The following ARHGAP6 variants were observed in gnomAD, a reference collection of about 807,000 sequenced individuals.
ARHGAP6 encodes rho GTPase-activating protein 6.
Under a neutral mutation model 55.7 loss-of-function variants are expected in ARHGAP6, and 16 were observed. The observed-to-expected ratio is 0.29, with a 90% confidence interval of 0.19 to 0.44. The LOEUF is 0.44. Ranked by LOEUF, ARHGAP6 falls within the 20% of genes least tolerant of loss-of-function variation. The probability of loss-of-function intolerance (pLI) is 1.00; values close to 1 mark genes in which losing one functional copy is unlikely to be tolerated. For missense variants in ARHGAP6, 698 were observed against 808.9 expected (o/e 0.86, Z 1.66); for synonymous variants, 382 against 360.9 (o/e 1.06, Z -0.66).
In ARHGAP6 at chrX:11,174,623, TTTTCTTTCTTTCTTTCTTTCTTTC is replaced by T. The variant is rs55966871; in HGVS notation, c.1629+3453_1629+3476del. On this transcript the variant is annotated intron_variant, in intron 8 of 12. Transcript: ENST00000337414. ...TTCTTTCTTTCTTTCTTTCTCTTTC[TTTTCTTTCTTTCTTTCTTTCTTTC>T]TTTCTTTCTTTCTTTCTTTCTTTCT... is the stretch of plus-strand genomic sequence containing the variant. 4.3e-3 allele frequency among the ~76,000 whole-genome samples: 201 copies of T among 46,704 alleles called. 2 individuals are homozygous for T. Among genetic ancestry groups the T allele is most frequent in the African/African-American group, 0.013 (154 of 11,753 alleles). The allele number at this position is 46,704 out of a possible 115,157, so 40.6% of individuals were successfully genotyped here.
intron 1 of ARHGAP6, among the ~76,000 whole-genome samples, chrX:11,564,745 T>C (rs1362162347): frequency 8.9e-6 from 1 of 111,860 alleles, no homozygotes; most frequent in Non-Finnish European, 1.9e-5. Flanking sequence ...GTCTTGTATC[T>C]AGGCCAAAAG....
intron 1 of ARHGAP6, among the ~76,000 whole-genome samples, chrX:11,282,512 A>G (rs2047869810): frequency 8.9e-6 from 1 of 112,420 alleles, no homozygotes; most frequent in East Asian, 2.8e-4. Context: ...AAAAACATCC[A>G]CTGATTCAGG....
intron 1 of ARHGAP6, among the ~76,000 whole-genome samples, chrX:11,482,926 T>TG (rs1023027152): frequency 1.4e-4 from 16 of 111,620 alleles, no homozygotes; most frequent in East Asian, 2.8e-4. Context: ...AGTTATCCTC[T>TG]GGGGGGTGAA....
chrX:11,521,390 C>A (rs980940912), intron 1 of ARHGAP6, among the ~76,000 whole-genome samples: 2 of 112,179 alleles, frequency 1.8e-5, no homozygotes, highest in Non-Finnish European at 3.8e-5. Flanking sequence ...AGCCAGTTTT[C>A]CCAGCACCAT....
intron 1 of ARHGAP6, among the ~76,000 whole-genome samples, chrX:11,471,466 A>G (rs1239818974): frequency 8.9e-6 from 1 of 112,192 alleles, no homozygotes; most frequent in Non-Finnish European, 1.9e-5. Flanking sequence ...TTAAAACTCA[A>G]CAGTCTACTT....
intron 1 of ARHGAP6, among the ~76,000 whole-genome samples, chrX:11,445,899 A>C (rs1465464083): frequency 9.0e-6 from 1 of 111,129 alleles, no homozygotes; most frequent in Non-Finnish European, 1.9e-5. Context: ...TGGGCCATGC[A>C]CATTCCAAAG....
intron 1 of ARHGAP6, among the ~76,000 whole-genome samples, chrX:11,490,078 C>T: frequency 9.0e-6 from 1 of 111,539 alleles, no homozygotes; most frequent in East Asian, 2.8e-4. Context: ...GATGACCCCC[C>T]TCCAGTGAAT....
chrX:11,453,281 C>CTA (rs773227806), intron 1 of ARHGAP6, among the ~76,000 whole-genome samples: 24 of 89,835 alleles, frequency 2.7e-4, no homozygotes, highest in Admixed American at 4.0e-4. Flanking sequence ...CATATATATA[C>CTA]TATATATATA....
intron 2 of ARHGAP6, among the ~76,000 whole-genome samples, chrX:11,228,268 T>C (rs1466226209): frequency 8.9e-6 from 1 of 112,393 alleles, no homozygotes; most frequent in Non-Finnish European, 1.9e-5. Context: ...CAAGCCATTT[T>C]ATTCAAGCAA....
chrX:11,436,514 T>C (rs994836145), intron 1 of ARHGAP6, among the ~76,000 whole-genome samples: 1 of 112,476 alleles, frequency 8.9e-6, no homozygotes, highest in African/African-American at 3.2e-5. Context: ...TTTCTGTATC[T>C]GACTTAGCAA....
At chrX:11,293,844 A>T (rs1330505898) in intron 1 of ARHGAP6, among the ~76,000 whole-genome samples, 2 of 112,426 alleles carry the variant, frequency 1.8e-5, no homozygotes, top group Non-Finnish European at 3.8e-5. Flanking sequence ...TAACCCAAAC[A>T]AACAAACAAA....
At chrX:11,451,292 A>AC (rs765466585) in intron 1 of ARHGAP6, among the ~76,000 whole-genome samples, 3 of 111,595 alleles carry the variant, frequency 2.7e-5, no homozygotes, top group Non-Finnish European at 5.6e-5. Flanking sequence ...AACTGTTATC[A>AC]CCATGGCCTA....
intron 1 of ARHGAP6, among the ~76,000 whole-genome samples, chrX:11,523,025 G>C (rs917043494): frequency 1.8e-4 from 20 of 111,591 alleles, no homozygotes; most frequent in Admixed American, 2.9e-4. Context: ...ACATCAAGAA[G>C]CTTCTCCACC....
intron 1 of ARHGAP6, among the ~76,000 whole-genome samples, chrX:11,454,110 A>ATTTTTTTTTT (rs1187605203): frequency 5.1e-3 from 392 of 76,754 alleles, no homozygotes; most frequent in Non-Finnish European, 6.3e-3. Context: ...CGCACGGCTA[A>ATTTTTTTTTT]TTTTTTTTTT....
intron 8 of ARHGAP6, among the ~76,000 whole-genome samples, chrX:11,173,437 C>T (rs1412852958): frequency 6.3e-5 from 7 of 112,000 alleles, no homozygotes; most frequent in Non-Finnish European, 3.8e-5. Context: ...CATATTCACA[C>T]CACATTTTCC....
In ARHGAP6 at chrX:11,186,350, C is replaced by A. The variant is rs1379592136; in HGVS notation, c.1159G>T (p.Ala387Ser). 1.6e-5 allele frequency: 19 copies of A among 1,210,873 alleles called. No homozygotes were observed. Among genetic ancestry groups the A allele is most frequent in the Non-Finnish European group, 2.1e-5 (19 of 894,937 alleles). The part of the protein sequence containing the change: ...LLEALQLSLP[A>S]EAQSKKEKAR... Reference sequence around the variant, plus strand: ...TTTTCCTTTTTACTTTGAGCCTCAGCAGGCAAGGAAAGTTGTAAAGCTTCT... The same window carrying A: ...TTTTCCTTTTTACTTTGAGCCTCAGAAGGCAAGGAAAGTTGTAAAGCTTCT... The change falls in exon 5 of 13, where the codon GCT becomes TCT. Residue 387 changes from alanine (A) to serine (S), a missense_variant. By Grantham distance (99) the Ala-to-Ser change is moderately conservative. Transcript: ENST00000337414.
chrX:11,572,835 T>C (rs887142913), intron 1 of ARHGAP6, among the ~76,000 whole-genome samples: 2 of 111,567 alleles, frequency 1.8e-5, no homozygotes, highest in African/African-American at 6.5e-5. Flanking sequence ...TTTCTCCATA[T>C]CCTCTCCAGC....
chrX:11,584,926 C>G (rs1332167821), intron 1 of ARHGAP6, among the ~76,000 whole-genome samples: 1 of 111,623 alleles, frequency 9.0e-6, no homozygotes, highest in African/African-American at 3.3e-5. Flanking sequence ...ACAAGCCCCA[C>G]CCTCCACCCT....
At position 11,664,564 on chromosome X, in the gene ARHGAP6, T is replaced by C. The variant is rs778070002; in HGVS notation, c.265A>G (p.Arg89Gly). 8.4e-7 allele frequency: 1 copy of C among 1,188,601 alleles called. No homozygotes were observed. The highest frequency in any genetic ancestry group is 1.1e-6 in the Non-Finnish European group (1 of 883,653). The change falls in exon 1 of 13, where the codon AGG (arginine) becomes GGG (glycine). Residue 89 changes from arginine to glycine, a missense_variant. Arg to Gly is a moderately radical substitution (Grantham distance 125). Coordinates refer to ENST00000337414, the MANE Select transcript of ARHGAP6 (RefSeq NM_013427.3). ...CCAGGAGGCGGTAGCCTGGTGGCCC[T>C]GGGGGGCGGACCCCGGGAAGAGGAC... ...LASSSRGPPP[R>G]ATRLPPPGPL... is the part of the protein sequence containing the mutation.
Sources: allele counts gnomAD v4.1 joint callset (sites outside exome capture counted in the v4.1 genomes callset), GRCh38; gene constraint gnomAD v4.1.1; transcripts MANE v1.5; gene names NCBI Gene and HGNC (gene_info 2026-07-23, HGNC 2026-07-21).